The following CTNNA3 variants were observed in gnomAD, a reference collection of about 807,000 sequenced individuals.
CTNNA3 encodes the protein catenin alpha 3.
In CTNNA3, 76 loss-of-function variants were observed where a neutral mutation model predicts 95.7. That is an observed-to-expected ratio of 0.79 (90% CI 0.66 to 0.96). The LOEUF (loss-of-function observed/expected upper bound fraction) is 0.96. Ranked by LOEUF, CTNNA3 falls within the 40% of genes least tolerant of loss-of-function variation. CTNNA3 has a pLI of 0.00. For missense variants in CTNNA3, 1,191 were observed against 1,089.8 expected, an observed-to-expected ratio of 1.09 and a Z score of -1.31; for synonymous variants, 431 against 374.4, an observed-to-expected ratio of 1.15 and a Z score of -1.74.
intron 3 of CTNNA3, among the ~76,000 whole-genome samples, chr10:67,585,564 G>A (rs1055280419): frequency 1.3e-5 from 2 of 152,098 alleles, no homozygotes; most frequent in African/African-American, 4.8e-5. Context: ...AATCTTGGCA[G>A]GTGGTATGTT....
chr10:67,079,089 G>A (rs1194068693), intron 7 of CTNNA3, among the ~76,000 whole-genome samples: 1 of 152,086 alleles, frequency 6.6e-6, no homozygotes, highest in African/African-American at 2.4e-5. Context: ...ATAATATCTG[G>A]GAGGACCAGG....
At chr10:67,451,020 C>T (rs1365704068) in intron 5 of CTNNA3, among the ~76,000 whole-genome samples, 1 of 151,984 alleles carries the variant, frequency 6.6e-6, no homozygotes, top group Admixed American at 6.6e-5. Flanking sequence ...AGAGGTAGGG[C>T]CTTTATGAGG....
chr10:66,696,534 A>G (rs1229611398), intron 9 of CTNNA3, among the ~76,000 whole-genome samples: 1 of 152,166 alleles, frequency 6.6e-6, no homozygotes, highest in Non-Finnish European at 1.5e-5. Context: ...CTATGATCCC[A>G]TCACCAAGTG....
At chr10:66,627,224 C>G (rs2132332763) in intron 9 of CTNNA3, among the ~76,000 whole-genome samples, 2 of 152,206 alleles carry the variant, frequency 1.3e-5, no homozygotes, top group South Asian at 4.1e-4. Flanking sequence ...TCTGGCCTTC[C>G]ATCCAAAATC....
At chr10:67,156,639 GA>G (rs897191340) in intron 7 of CTNNA3, among the ~76,000 whole-genome samples, 21 of 148,594 alleles carry the variant, frequency 1.4e-4, no homozygotes, top group African/African-American at 3.9e-4. Flanking sequence ...ACTGTGGTCA[GA>G]AAAAAAAAAT....
chr10:66,020,936 T>G (rs577157979), intron 15 of CTNNA3, among the ~76,000 whole-genome samples: 94 of 152,120 alleles, frequency 6.2e-4, no homozygotes, highest in African/African-American at 2.2e-3. Context: ...GCCTCCCAAA[T>G]TGCTGGGATT....
At chr10:67,557,762 TA>T (rs1841311343) in intron 3 of CTNNA3, among the ~76,000 whole-genome samples, 1 of 152,204 alleles carries the variant, frequency 6.6e-6, no homozygotes, top group Admixed American at 6.5e-5. Flanking sequence ...GTTTGAATGA[TA>T]TTAAGGCAGG....
chr10:67,688,254 T>C (rs915063862), intron 1 of CTNNA3, among the ~76,000 whole-genome samples: 8 of 152,044 alleles, frequency 5.3e-5, no homozygotes, highest in Non-Finnish European at 8.8e-5. Context: ...CCCTACAGCT[T>C]GAAGGGGACA....
At chr10:67,054,025 C>A (rs1855276288) in intron 7 of CTNNA3, among the ~76,000 whole-genome samples, 1 of 152,100 alleles carries the variant, frequency 6.6e-6, no homozygotes, top group African/African-American at 2.4e-5. Flanking sequence ...AGCCCACTGA[C>A]CAGTTTCCTT....
intron 5 of CTNNA3, among the ~76,000 whole-genome samples, chr10:67,238,767 G>C (rs567209878): frequency 6.6e-6 from 1 of 152,194 alleles, no homozygotes; most frequent in East Asian, 1.9e-4. Context: ...TAGCTTTTTA[G>C]ATTTGAGTAA....
intron 3 of CTNNA3, among the ~76,000 whole-genome samples, chr10:67,591,262 C>T (rs1213663607): frequency 2.0e-5 from 3 of 152,058 alleles, no homozygotes; most frequent in Non-Finnish European, 2.9e-5. Context: ...TGGTACTTTA[C>T]CAAACTTTAA....
At chr10:65,982,387 C>A (rs1391850588) in intron 16 of CTNNA3, among the ~76,000 whole-genome samples, 1 of 151,200 alleles carries the variant, frequency 6.6e-6, no homozygotes. Context: ...AAAGGGAACA[C>A]CTTTACACTG....
At chr10:66,162,990 G>C (rs2084930064) in intron 13 of CTNNA3, among the ~76,000 whole-genome samples, 1 of 152,004 alleles carries the variant, frequency 6.6e-6, no homozygotes, top group Non-Finnish European at 1.5e-5. Flanking sequence ...AGGGAAGTGA[G>C]GGAAAGCTGG....
chr10:66,709,551 A>G (rs1486657035), intron 9 of CTNNA3, among the ~76,000 whole-genome samples: 3 of 152,120 alleles, frequency 2.0e-5, no homozygotes, highest in Non-Finnish European at 4.4e-5. Context: ...AAAAACCTCT[A>G]TTTTTTGAAT....
rs768102911 is a variant in CTNNA3, at chr10:66,536,155, G to GAA, written c.1375-15383_1375-15382insTT. On this transcript the variant is annotated intron_variant, in intron 10 of 17. Coordinates refer to ENST00000433211, the MANE Select transcript of CTNNA3 (RefSeq NM_013266.4). ...ACGACATGAGAGAGAGAGAGAGAGA[G>GAA]AGAGAGACAGAGACAGAGAGAGACA... Among the ~76,000 whole-genome samples the GAA allele has an allele frequency of 4.6e-3, 689 of 151,406 alleles. 3 individuals are homozygous for GAA. The highest frequency in any genetic ancestry group is 0.02 in the Middle Eastern group (6 of 294).
chr10:66,127,459 C>G (rs188723742), intron 13 of CTNNA3, among the ~76,000 whole-genome samples: 1 of 152,058 alleles, frequency 6.6e-6, no homozygotes, highest in East Asian at 1.9e-4. Flanking sequence ...ATCATAAGGA[C>G]AAACTCACAA....
intron 2 of CTNNA3, among the ~76,000 whole-genome samples, chr10:67,612,875 G>T (rs543166492): frequency 2.6e-5 from 4 of 152,258 alleles, no homozygotes; most frequent in South Asian, 2.1e-4. Context: ...ATTATGAAAA[G>T]TGTGTGCAAT....
chr10:67,396,181 AGAAAG>A (rs1554831801), intron 5 of CTNNA3, among the ~76,000 whole-genome samples: 1 of 152,200 alleles, frequency 6.6e-6, no homozygotes, highest in Non-Finnish European at 1.5e-5. Context: ...TCAATTATTC[AGAAAG>A]GAAACAGAAT....
At chr10:66,607,852 G>A (rs1844184567) in intron 10 of CTNNA3, among the ~76,000 whole-genome samples, 1 of 152,060 alleles carries the variant, frequency 6.6e-6, no homozygotes. Flanking sequence ...AAACTGAATG[G>A]GCAAAAGCTG....
Sources: allele counts gnomAD v4.1 joint callset (sites outside exome capture counted in the v4.1 genomes callset), GRCh38; gene constraint gnomAD v4.1.1; transcripts MANE v1.5; gene names NCBI Gene and HGNC (gene_info 2026-07-23, HGNC 2026-07-21).